The following WWOX variants were observed in gnomAD, a reference collection of about 807,000 sequenced individuals.
WWOX encodes WW domain-containing oxidoreductase.
A neutral mutation model predicts 46.2 loss-of-function variants in WWOX; 69 were observed. The ratio of observed to expected loss-of-function variants is 1.49; its 90% CI spans 1.23 to 1.82. WWOX has a LOEUF of 1.82. Among genes scored for constraint, WWOX ranks in the 40% most tolerant of loss-of-function variants. The probability of loss-of-function intolerance (pLI) is 0.00; values close to 1 mark genes in which losing one functional copy is unlikely to be tolerated. For missense variants in WWOX, 919 were observed against 542.6 expected (o/e 1.69, Z -6.89); for synonymous variants, 359 against 202.6 (o/e 1.77, Z -6.56).
chr16:78,566,793 T>C (rs2044579613), intron 8 of WWOX, among the ~76,000 whole-genome samples: 1 of 152,018 alleles, frequency 6.6e-6, no homozygotes, highest in Admixed American at 6.6e-5. Flanking sequence ...ACCGATAGAG[T>C]ACCAAGAACA....
intron 8 of WWOX, among the ~76,000 whole-genome samples, chr16:78,815,036 T>A (rs928912887): frequency 1.3e-5 from 2 of 152,184 alleles, no homozygotes; most frequent in African/African-American, 2.4e-5. Context: ...GTAGAAGGTT[T>A]CGTCCAGGCC....
At chr16:78,844,342 A>G (rs1382796075) in intron 8 of WWOX, among the ~76,000 whole-genome samples, 4 of 152,228 alleles carry the variant, frequency 2.6e-5, no homozygotes, top group Non-Finnish European at 5.9e-5. Context: ...AGAAATAAAT[A>G]CATCCTCTTA....
At chr16:78,273,732 G>A (rs907044882) in intron 5 of WWOX, among the ~76,000 whole-genome samples, 3 of 152,212 alleles carry the variant, frequency 2.0e-5, no homozygotes, top group East Asian at 1.9e-4. Flanking sequence ...TTGGCCAACA[G>A]CTCTGAAGGG....
intron 8 of WWOX, among the ~76,000 whole-genome samples, chr16:78,569,134 G>T (rs577928398): frequency 6.6e-5 from 10 of 152,276 alleles, no homozygotes; most frequent in African/African-American, 2.4e-4. Flanking sequence ...GGATACCTAG[G>T]GACCTGTTGG....
intron 8 of WWOX, among the ~76,000 whole-genome samples, chr16:78,667,999 C>A (rs746384470): frequency 5.3e-5 from 8 of 151,990 alleles, no homozygotes; most frequent in Non-Finnish European, 1.0e-4. Flanking sequence ...TACAACTTGG[C>A]TGGGTGCGGT....
chr16:78,417,049 G>A (rs1017684013), intron 6 of WWOX, among the ~76,000 whole-genome samples: 1 of 152,076 alleles, frequency 6.6e-6, no homozygotes, highest in South Asian at 2.1e-4. Context: ...GGGTGTGTGT[G>A]TGTTTGCTTC....
At chr16:78,967,284 GCCTTT>G (rs2046379428) in intron 8 of WWOX, among the ~76,000 whole-genome samples, 5 of 116,244 alleles carry the variant, frequency 4.3e-5, no homozygotes, top group African/African-American at 9.0e-5. Context: ...GCCTGCCGAG[GCCTTT>G]TTTTTTTTTT....
chr16:78,404,933 T>A (rs1003167366), intron 6 of WWOX, among the ~76,000 whole-genome samples: 8 of 152,202 alleles, frequency 5.3e-5, no homozygotes, highest in Non-Finnish European at 7.3e-5. Flanking sequence ...ATCATGCCCA[T>A]TGCACTAAGT....
At chr16:78,837,477 T>C (rs532249932) in intron 8 of WWOX, among the ~76,000 whole-genome samples, 48 of 152,330 alleles carry the variant, frequency 3.2e-4, no homozygotes, top group African/African-American at 9.4e-4. Context: ...ATGTCACTTA[T>C]AAGGCTTGTT....
chr16:79,107,924 C>T (rs773037883), intron 8 of WWOX, among the ~76,000 whole-genome samples: 5 of 152,094 alleles, frequency 3.3e-5, no homozygotes, highest in African/African-American at 4.8e-5. Context: ...TGATTAGGGA[C>T]ATGGTGAAGT....
At chr16:78,851,564 C>T (rs572466753) in intron 8 of WWOX, among the ~76,000 whole-genome samples, 14 of 152,328 alleles carry the variant, frequency 9.2e-5, no homozygotes, top group African/African-American at 3.1e-4. Flanking sequence ...TATTTTCCAT[C>T]TTTCCCACTA....
At chr16:78,736,902 C>T (rs115451393) in intron 8 of WWOX, among the ~76,000 whole-genome samples, 2,137 of 152,198 alleles carry the variant, frequency 0.014, 48 homozygotes, top group African/African-American at 0.05. Context: ...AGGCAATGTG[C>T]CCGGCCCACA....
chr16:78,343,592 A>G lies in WWOX; in HGVS notation c.517-43268A>G, dbSNP rs945309721. 4.1e-5 allele frequency among the ~76,000 whole-genome samples: 5 copies of G among 120,954 alleles called. 2 individuals are homozygous for G. The highest frequency in any genetic ancestry group is 3.2e-4 in the Admixed American group (4 of 12,414). The allele number at this position is 120,954 out of a possible 152,430, so 79.4% of individuals were successfully genotyped here. ...TCTAGTGCAGGTGCTGAGAGGCGGT[A>G]ACTCTTTAAAGGGACAGGATATGGA... On this transcript the variant is annotated intron_variant, in intron 5 of 8. Coordinates refer to ENST00000566780, the MANE Select transcript of WWOX (RefSeq NM_016373.4).
At chr16:78,400,111 C>T (rs76093070) in intron 6 of WWOX, among the ~76,000 whole-genome samples, 3,235 of 152,206 alleles carry the variant, frequency 0.021, 94 homozygotes, top group African/African-American at 0.074. Context: ...TCTCAATTAG[C>T]GGTAAAGTTC....
chr16:79,015,669 C>T (rs964782124), intron 8 of WWOX, among the ~76,000 whole-genome samples: 1 of 152,220 alleles, frequency 6.6e-6, no homozygotes, highest in South Asian at 2.1e-4. Context: ...TCCCTGTCTC[C>T]GTATATTTTC....
At chr16:78,203,285 T>TAGATGACTGGGGA in intron 5 of WWOX, among the ~76,000 whole-genome samples, 1 of 152,120 alleles carries the variant, frequency 6.6e-6, no homozygotes, top group African/African-American at 2.4e-5. Context: ...GGGCCCCAAG[T>TAGATGACTGGGGA]AGATGACTGG....
chr16:78,329,863 C>T (rs891517374), intron 5 of WWOX, among the ~76,000 whole-genome samples: 2 of 151,900 alleles, frequency 1.3e-5, no homozygotes, highest in African/African-American at 4.8e-5. Context: ...TCTCCCACCT[C>T]AACCTCCCAA....
chr16:78,871,141 G>A (rs1253056888), intron 8 of WWOX, among the ~76,000 whole-genome samples: 1 of 148,276 alleles, frequency 6.7e-6, no homozygotes, highest in African/African-American at 2.5e-5. Flanking sequence ...ATTCTACATT[G>A]AATATAGTAA....
At chr16:78,760,098 A>G (rs921448398) in intron 8 of WWOX, among the ~76,000 whole-genome samples, 1 of 152,170 alleles carries the variant, frequency 6.6e-6, no homozygotes, top group Non-Finnish European at 1.5e-5. Context: ...AAGAGATTTG[A>G]TGGACTCACA....
Sources: gnomAD v4.1 joint callset for allele counts (sites outside exome capture counted in the v4.1 genomes callset) on GRCh38, gnomAD v4.1.1 for gene constraint, MANE v1.5 for transcripts, NCBI Gene and HGNC (gene_info 2026-07-23, HGNC 2026-07-21) for gene names.